ROBO1: variants seen among roughly 807,000 people sequenced by gnomAD.
ROBO1 encodes roundabout homolog 1.
A neutral mutation model predicts 195.9 loss-of-function variants in ROBO1; 149 were observed. The observed-to-expected ratio is 0.76, with a 90% confidence interval of 0.67 to 0.87. The LOEUF is 0.87. Among genes scored for constraint, ROBO1 ranks in the 40% least tolerant of loss-of-function variants. ROBO1 has a pLI of 0.00. For missense variants in ROBO1, 1,933 were observed against 2,068.3 expected, an observed-to-expected ratio of 0.93 and a Z score of 1.27; for synonymous variants, 816 against 733.2, an observed-to-expected ratio of 1.11 and a Z score of -1.82.
At chr3:79,102,345 A>G (rs1380417671) in intron 3 of ROBO1, among the ~76,000 whole-genome samples, 2 of 151,750 alleles carry the variant, frequency 1.3e-5, no homozygotes, top group Non-Finnish European at 2.9e-5. Context: ...TCATAGCATC[A>G]TGATTATGTA....
chr3:78,897,812 G>C (rs925699338), intron 4 of ROBO1, among the ~76,000 whole-genome samples: 2 of 152,108 alleles, frequency 1.3e-5, no homozygotes, highest in East Asian at 1.9e-4. Flanking sequence ...GTCTACTGCT[G>C]ATAGATTTTT....
At chr3:78,762,370 C>T (rs965813956) in intron 4 of ROBO1, among the ~76,000 whole-genome samples, 12 of 151,920 alleles carry the variant, frequency 7.9e-5, no homozygotes, top group Non-Finnish European at 1.3e-4. Context: ...GACCTAAATA[C>T]TAAAAGTTAG....
chr3:78,840,974 G>A (rs574215800), intron 4 of ROBO1, among the ~76,000 whole-genome samples: 14 of 151,452 alleles, frequency 9.2e-5, no homozygotes, highest in South Asian at 4.2e-4. Flanking sequence ...AGGCAGGAGA[G>A]TGGCGTAAAC....
intron 3 of ROBO1, among the ~76,000 whole-genome samples, chr3:78,991,702 G>A (rs920911832): frequency 3.3e-5 from 5 of 152,120 alleles, no homozygotes; most frequent in African/African-American, 1.2e-4. Context: ...AATTCCACAT[G>A]GGAATCAGTT....
chr3:79,546,208 G>A (rs916869818), intron 2 of ROBO1, among the ~76,000 whole-genome samples: 7 of 151,598 alleles, frequency 4.6e-5, no homozygotes, highest in Admixed American at 2.6e-4. Flanking sequence ...TCTAGCTTAC[G>A]TTATTGCAAA....
At chr3:79,438,016 C>T (rs1368412040) in intron 2 of ROBO1, among the ~76,000 whole-genome samples, 1 of 151,574 alleles carries the variant, frequency 6.6e-6, no homozygotes, top group Non-Finnish European at 1.5e-5. Context: ...TGGTTTTTTT[C>T]TTTCCAACCT....
chr3:78,887,651 C>A (rs1330634047), intron 4 of ROBO1, among the ~76,000 whole-genome samples: 1 of 152,054 alleles, frequency 6.6e-6, no homozygotes, highest in Non-Finnish European at 1.5e-5. Flanking sequence ...AAGGGGAAGC[C>A]TAGCAGGTAT....
In ROBO1 at chr3:78,717,950, T is replaced by A. The variant is rs1479975027; in HGVS notation, c.658-67A>T. On this transcript the variant is annotated intron_variant, in intron 5 of 30. Transcript: ENST00000464233. ...CAGCTATGTTTACATGACAGATGTCTTCATAAGTGAAGACTGCTTTCTAAG... is the reference window on the plus strand; with the variant it reads ...CAGCTATGTTTACATGACAGATGTCATCATAAGTGAAGACTGCTTTCTAAG... 5 of 1,497,464 alleles carry A rather than the reference T, an allele frequency of 3.3e-6. No individual in the cohort carries two copies. The East Asian group carries it at 1.1e-4, about 34-fold the overall frequency. The allele number at this position is 1,497,464 out of a possible 1,614,324, so 92.8% of individuals were successfully genotyped here.
At chr3:79,478,094 T>G (rs960710476) in intron 2 of ROBO1, among the ~76,000 whole-genome samples, 1 of 152,162 alleles carries the variant, frequency 6.6e-6, no homozygotes, top group African/African-American at 2.4e-5. Flanking sequence ...TGGTTGGCTG[T>G]AATTCAGTCT....
chr3:79,032,761 C>G (rs1162351874), intron 3 of ROBO1, among the ~76,000 whole-genome samples: 1 of 151,994 alleles, frequency 6.6e-6, no homozygotes, highest in Non-Finnish European at 1.5e-5. Context: ...TCAAGGGGTG[C>G]ACATACACAT....
intron 3 of ROBO1, among the ~76,000 whole-genome samples, chr3:78,973,189 T>C (rs192051259): frequency 5.8e-4 from 88 of 152,104 alleles, no homozygotes; most frequent in African/African-American, 2.1e-3. Flanking sequence ...AATTTCCCTA[T>C]TAATTCCAGC....
chr3:78,627,272 G>A (rs7614084), intron 26 of ROBO1, 49 bp downstream of exon 26: 628,652 of 1,576,350 alleles, frequency 0.4, 127,485 homozygotes, highest in Admixed American at 0.47. Flanking sequence ...TTCCACTGAG[G>A]AGTAGAAATT....
intron 2 of ROBO1, among the ~76,000 whole-genome samples, chr3:79,327,401 G>T (rs2109154501): frequency 6.6e-6 from 1 of 152,080 alleles, no homozygotes; most frequent in African/African-American, 2.4e-5. Context: ...GAGAATACAT[G>T]TTCAAGAAAA....
At chr3:79,682,032 C>A (rs1009343935) in intron 1 of ROBO1, among the ~76,000 whole-genome samples, 2 of 151,914 alleles carry the variant, frequency 1.3e-5, no homozygotes, top group Non-Finnish European at 2.9e-5. Flanking sequence ...AACAATCAAG[C>A]AAAATGTAAT....
chr3:79,420,139 G>A (rs2038167555), intron 2 of ROBO1, among the ~76,000 whole-genome samples: 2 of 151,968 alleles, frequency 1.3e-5, no homozygotes, highest in Admixed American at 6.6e-5. Flanking sequence ...ATTCCTACCT[G>A]AACAGGTGTT....
At chr3:79,270,821 CT>C (rs1281926755) in intron 2 of ROBO1, among the ~76,000 whole-genome samples, 2 of 151,900 alleles carry the variant, frequency 1.3e-5, no homozygotes, top group Admixed American at 1.3e-4. Flanking sequence ...AAGAGAATGG[CT>C]TTTTCGGCTT....
intron 5 of ROBO1, among the ~76,000 whole-genome samples, chr3:78,720,766 A>T (rs2082021482): frequency 1.3e-5 from 2 of 152,190 alleles, no homozygotes; most frequent in Non-Finnish European, 1.5e-5. Context: ...ATGCAGCCAT[A>T]AAAAAGGATG....
chr3:78,745,298 C>T (rs1246551888), intron 5 of ROBO1, among the ~76,000 whole-genome samples: 2 of 135,866 alleles, frequency 1.5e-5, no homozygotes, highest in Non-Finnish European at 3.0e-5. Context: ...CAGAGCAAGA[C>T]TCCATTTCAA....
At chr3:79,670,854 G>A (rs867145701) in intron 1 of ROBO1, among the ~76,000 whole-genome samples, 6 of 151,796 alleles carry the variant, frequency 4.0e-5, no homozygotes, top group African/African-American at 9.7e-5. Flanking sequence ...AATTTGGGAA[G>A]CAATTTACTG....
Sources: gnomAD v4.1 joint callset for allele counts (sites outside exome capture counted in the v4.1 genomes callset) on GRCh38, gnomAD v4.1.1 for gene constraint, MANE v1.5 for transcripts, NCBI Gene and HGNC (gene_info 2026-07-23, HGNC 2026-07-21) for gene names.